ATP9A: variants seen among roughly 807,000 people sequenced by gnomAD.
ATP9A encodes probable phospholipid-transporting ATPase IIA.
A neutral mutation model predicts 144.1 loss-of-function variants in ATP9A; 52 were observed. That is an observed-to-expected ratio of 0.36 (90% CI 0.29 to 0.45). ATP9A has a LOEUF of 0.45. ATP9A is among the 20% of genes least tolerant of loss of function. The probability of loss-of-function intolerance (pLI) is 1.00; values close to 1 mark genes in which losing one functional copy is unlikely to be tolerated. For synonymous variants in ATP9A, 582 were observed against 557.4 expected, an observed-to-expected ratio of 1.04 and a Z score of -0.62; for missense variants, 947 against 1,392.7, an observed-to-expected ratio of 0.68 and a Z score of 5.09.
intron 15 of ATP9A, among the ~76,000 whole-genome samples, chr20:51,632,978 G>GCCA: frequency 6.6e-6 from 1 of 152,184 alleles, no homozygotes; most frequent in East Asian, 1.9e-4. Context: ...GCAAAAATGA[G>GCCA]CCAGGCGTGG....
At chr20:51,702,497 C>T (rs1294875432) in intron 4 of ATP9A, among the ~76,000 whole-genome samples, 1 of 151,792 alleles carries the variant, frequency 6.6e-6, no homozygotes, top group Non-Finnish European at 1.5e-5. Flanking sequence ...CTGTTATTTA[C>T]ATTCCCATAT....
intron 14 of ATP9A, among the ~76,000 whole-genome samples, chr20:51,642,712 T>G: frequency 1.0e-5 from 1 of 98,140 alleles, no homozygotes; most frequent in African/African-American, 4.0e-5. Flanking sequence ...GGTGACTGAG[T>G]GAGACTCTGT....
At chr20:51,625,405 G>C (rs1053746292) in intron 17 of ATP9A, 43 bp from the exon 18 acceptor site, 29 of 1,580,674 alleles carry the variant, frequency 1.8e-5, no homozygotes, top group Non-Finnish European at 2.5e-5. Flanking sequence ...AGGGTGAGGA[G>C]AGGCCAGGCT....
At chr20:51,648,195 C>T (rs1359404956) in intron 14 of ATP9A, among the ~76,000 whole-genome samples, 1 of 152,174 alleles carries the variant, frequency 6.6e-6, no homozygotes, top group Non-Finnish European at 1.5e-5. Flanking sequence ...GAACTGCATA[C>T]ATCTTATGGT....
chr20:51,676,665 T>A (rs968871672), intron 9 of ATP9A, among the ~76,000 whole-genome samples: 1 of 151,994 alleles, frequency 6.6e-6, no homozygotes, highest in East Asian at 1.9e-4. Context: ...TTTTAGTAGA[T>A]ACGGGGTTTC....
chr20:51,754,241 C>A (rs1330435114), intron 1 of ATP9A, among the ~76,000 whole-genome samples: 1 of 152,138 alleles, frequency 6.6e-6, no homozygotes, highest in African/African-American at 2.4e-5. Flanking sequence ...GTGGCTCATG[C>A]TTGTAATCCC....
intron 7 of ATP9A, 143 bp from the exon 8 acceptor site, chr20:51,690,962 A>T: frequency 1.4e-6 from 1 of 701,476 alleles, no homozygotes; most frequent in Non-Finnish European, 2.5e-6. Flanking sequence ...TGGAAAGAAG[A>T]GGAAAGTCCT....
At chr20:51,620,190 T>C (rs1012328499) in intron 19 of ATP9A, among the ~76,000 whole-genome samples, 1 of 152,120 alleles carries the variant, frequency 6.6e-6, no homozygotes, top group African/African-American at 2.4e-5. Context: ...AGCTCTGCCG[T>C]TGTAATCCAA....
chr20:51,631,493 T>C (rs1044903919), intron 15 of ATP9A, among the ~76,000 whole-genome samples: 2 of 152,206 alleles, frequency 1.3e-5, no homozygotes, highest in Non-Finnish European at 2.9e-5. Context: ...AGAAAAGGGC[T>C]TGAGTGAGTT....
At position 51,610,254 on chromosome 20, in the gene ATP9A, A is replaced by G. The variant is rs185707723; in HGVS notation, c.2572-89T>C. 223 of 1,066,460 alleles carry G rather than the reference A, an allele frequency of 2.1e-4. 1 individual carries two copies. Among genetic ancestry groups the G allele is most frequent in the Admixed American group, 8.1e-4 (41 of 50,790 alleles). 66.1% of individuals were successfully genotyped at this position (1,066,460 alleles called of 1,614,324 possible). Reference sequence around the variant, plus strand: ...TAAAAATAACACCTGATACTTACATAACACCCGCGCCGGCACTGCTGTAAG... The same window carrying G: ...TAAAAATAACACCTGATACTTACATGACACCCGCGCCGGCACTGCTGTAAG... On this transcript the variant is annotated intron_variant, in intron 23 of 27. Coordinates refer to ENST00000338821, the MANE Select transcript of ATP9A (RefSeq NM_006045.3).
intron 1 of ATP9A, among the ~76,000 whole-genome samples, chr20:51,757,978 G>A (rs1250673715): frequency 6.6e-6 from 1 of 152,070 alleles, no homozygotes; most frequent in Non-Finnish European, 1.5e-5. Context: ...GTAACATTAT[G>A]TGTTTAGACT....
intron 4 of ATP9A, among the ~76,000 whole-genome samples, chr20:51,708,242 C>G (rs989598039): frequency 6.7e-6 from 1 of 148,734 alleles, no homozygotes; most frequent in Non-Finnish European, 1.5e-5. Flanking sequence ...CACTTGAGCT[C>G]GGGAGTTCAA....
intron 3 of ATP9A, among the ~76,000 whole-genome samples, chr20:51,724,380 G>A (rs1333811533): frequency 1.3e-5 from 2 of 152,064 alleles, no homozygotes; most frequent in Non-Finnish European, 2.9e-5. Context: ...CTAAGCACAT[G>A]CCTGCTGCAG....
chr20:51,671,902 G>C (rs1335728521), intron 11 of ATP9A, among the ~76,000 whole-genome samples: 1 of 151,956 alleles, frequency 6.6e-6, no homozygotes, highest in Non-Finnish European at 1.5e-5. Context: ...GGGTTCAAAC[G>C]ATTCTCACAC....
intron 3 of ATP9A, among the ~76,000 whole-genome samples, chr20:51,718,757 G>A (rs1393840529): frequency 2.1e-5 from 3 of 143,772 alleles, no homozygotes; most frequent in African/African-American, 7.8e-5. Flanking sequence ...GGAGGTTGCA[G>A]TGAGCCGAGA....
At position 51,697,235 on chromosome 20, in the gene ATP9A, TTG is replaced by T. The variant is rs750334118; in HGVS notation, c.495+187_495+188del. ...ACGCATATAAACCTTGAAAAAATATTTGTGTGTGTGTGTGTCTGTGTGTGTGT... is the reference window on the plus strand; with the variant it reads ...ACGCATATAAACCTTGAAAAAATATTTGTGTGTGTGTGTCTGTGTGTGTGT... On this transcript the variant is annotated intron_variant, in intron 5 of 27. Coordinates refer to ENST00000338821, the MANE Select transcript of ATP9A (RefSeq NM_006045.3). Among the ~76,000 whole-genome samples the T allele has an allele frequency of 5.0e-5, 7 of 139,804 alleles. No homozygotes were observed. In the South Asian group the frequency reaches 7.1e-4, roughly 14 times the overall value. 91.7% of individuals were successfully genotyped at this position (139,804 alleles called of 152,430 possible). A position where few individuals can be genotyped will look rare whatever the true frequency, so the allele number is the denominator to read the frequency against.
rs1366016831 is a variant in ATP9A, at chr20:51,608,548, C to T, written c.2715G>A (p.Leu905=). 2 of 1,611,540 alleles carry T rather than the reference C, an allele frequency of 1.2e-6. No individual in the cohort carries two copies. Among genetic ancestry groups the T allele is most frequent in the Admixed American group, 1.7e-5 (1 of 59,992 alleles). Reference sequence around the variant, plus strand: ...GAAGATCCTTGTAGAGCTCAGGATACAGCATGGCAACTTCCGATTTGACAT... The same window carrying T: ...GAAGATCCTTGTAGAGCTCAGGATATAGCATGGCAACTTCCGATTTGACAT... ...DKDVKSEVAM[L]YPELYKDLLK... The change falls in exon 25 of 28, where the codon CTG becomes CTA. Residue 905 remains leucine (L), a synonymous_variant. Transcript: ENST00000338821.
intron 1 of ATP9A, among the ~76,000 whole-genome samples, 174 bp from the exon 2 acceptor site, chr20:51,730,152 C>T (rs1007521636): frequency 5.3e-5 from 8 of 152,132 alleles, no homozygotes; most frequent in African/African-American, 9.7e-5. Flanking sequence ...GAAGCTCCCA[C>T]GAAGCTGTGG....
chr20:51,743,482 C>G (rs2077793929), intron 1 of ATP9A, among the ~76,000 whole-genome samples: 1 of 145,302 alleles, frequency 6.9e-6, no homozygotes, highest in Admixed American at 7.0e-5. Context: ...TCACTGCAAC[C>G]TCTGCCTCCC....
Sources: gnomAD v4.1 joint callset for allele counts (sites outside exome capture counted in the v4.1 genomes callset) on GRCh38, gnomAD v4.1.1 for gene constraint, MANE v1.5 for transcripts, NCBI Gene and HGNC (gene_info 2026-07-23, HGNC 2026-07-21) for gene names.